The following CMTM4 variants were observed in gnomAD, a reference collection of about 807,000 sequenced individuals.
CMTM4 encodes the protein CKLF like MARVEL transmembrane domain containing 4.
A neutral mutation model predicts 19.0 loss-of-function variants in CMTM4; 8 were observed. The observed-to-expected ratio is 0.42, with a 90% CI of 0.25 to 0.76. The LOEUF is 0.76. Ranked by LOEUF, CMTM4 falls within the 30% of genes least tolerant of loss-of-function variation. CMTM4 has a pLI of 0.27. For missense variants in CMTM4, 228 were observed against 290.2 expected (o/e 0.79, Z 1.56); for synonymous variants, 106 against 121.1 (o/e 0.88, Z 0.82).
chr16:66,621,960 T>C lies in CMTM4; in HGVS notation c.*98A>G. The C allele has an allele frequency of 6.8e-7, 1 of 1,468,894 alleles. No homozygotes were observed. Among genetic ancestry groups the C allele is most frequent in the Non-Finnish European group, 9.0e-7 (1 of 1,105,762 alleles). 91.0% of individuals were successfully genotyped at this position (1,468,894 alleles called of 1,614,324 possible). Reference sequence around the variant, plus strand: ...TGAACTTTTACCAAAGAGGACAAAATTCAACTGAATCACATGGAAATCTGA... The same window carrying C: ...TGAACTTTTACCAAAGAGGACAAAACTCAACTGAATCACATGGAAATCTGA... On this transcript the variant is annotated 3_prime_UTR_variant, in exon 4 of 4. Coordinates refer to ENST00000394106, the MANE Select transcript of CMTM4 (RefSeq NM_181521.3).
At chr16:66,682,032 C>T (rs2016925153) in intron 1 of CMTM4, among the ~76,000 whole-genome samples, 1 of 152,206 alleles carries the variant, frequency 6.6e-6, no homozygotes, top group Non-Finnish European at 1.5e-5. Context: ...CAGCCCCTGG[C>T]TCAGGTGGTC....
chr16:66,600,055 T>C, the CMTM4 span, among the ~76,000 whole-genome samples: 1 of 151,262 alleles, frequency 6.6e-6, no homozygotes, highest in Admixed American at 6.6e-5. Flanking sequence ...TTTGGCCCAT[T>C]AAAAAAAATT....
At chr16:66,611,307 G>A (rs2015367613), downstream of CMTM4, among the ~76,000 whole-genome samples, 1 of 152,124 alleles carries the variant, frequency 6.6e-6, no homozygotes, top group African/African-American at 2.4e-5. Context: ...ACAAAAATCA[G>A]CCAGGCATGG....
intron 1 of CMTM4, among the ~76,000 whole-genome samples, chr16:66,690,342 G>T (rs889233586): frequency 2.6e-5 from 4 of 152,316 alleles, no homozygotes; most frequent in East Asian, 1.9e-4. Flanking sequence ...CAGCTCTTAC[G>T]AATCAGGAAC....
At chr16:66,680,581 T>C (rs1363502940) in intron 1 of CMTM4, among the ~76,000 whole-genome samples, 1 of 151,592 alleles carries the variant, frequency 6.6e-6, no homozygotes, top group African/African-American at 2.4e-5. Flanking sequence ...GAGACCATCA[T>C]GGCTAACGCG....
chr16:66,613,225 C>T (rs1596891624), downstream of CMTM4: 1 of 683,386 alleles, frequency 1.5e-6, no homozygotes, highest in South Asian at 1.5e-5. Flanking sequence ...TGGGGCTCGG[C>T]ACCCATAACT....
chr16:66,674,215 G>A (rs908602730), intron 1 of CMTM4, among the ~76,000 whole-genome samples: 1 of 152,202 alleles, frequency 6.6e-6, no homozygotes, highest in Admixed American at 6.5e-5. Context: ...CCAGATAGAT[G>A]GAAAAGCTGA....
At chr16:66,602,976 T>C in the CMTM4 span, among the ~76,000 whole-genome samples, 1 of 152,240 alleles carries the variant, frequency 6.6e-6, no homozygotes, top group Non-Finnish European at 1.5e-5. Context: ...GTAAATGTTA[T>C]AAACATTCCA....
chr16:66,631,145 C>T (rs1567407307), intron 2 of CMTM4, among the ~76,000 whole-genome samples: 1 of 151,920 alleles, frequency 6.6e-6, no homozygotes, highest in Admixed American at 6.6e-5. Context: ...TGCCCGGCAG[C>T]CACCCCGTCC....
intron 2 of CMTM4, among the ~76,000 whole-genome samples, chr16:66,628,255 C>T (rs2015783237): frequency 6.6e-6 from 1 of 152,192 alleles, no homozygotes; most frequent in South Asian, 2.1e-4. Context: ...TTCTCTATCT[C>T]AACTGCAAGA....
intron 1 of CMTM4, among the ~76,000 whole-genome samples, chr16:66,680,167 A>T (rs192601178): frequency 2.6e-5 from 4 of 152,304 alleles, no homozygotes; most frequent in African/African-American, 9.6e-5. Flanking sequence ...TGTAAACTAA[A>T]AGCAAGAAAT....
At chr16:66,670,797 TAA>T (rs200954509) in intron 1 of CMTM4, among the ~76,000 whole-genome samples, 3 of 139,776 alleles carry the variant, frequency 2.1e-5, no homozygotes, top group Admixed American at 7.2e-5. Flanking sequence ...AGACTCCATA[TAA>T]AAAAAAAAAA....
the CMTM4 span, chr16:66,605,184 G>A: frequency 2.4e-6 from 1 of 410,468 alleles, no homozygotes. The surrounding 1 kb of genome is among the most constrained non-coding windows in gnomAD (Gnocchi z 4.6). Flanking sequence ...GTCCCCGCGA[G>A]TCCAGAGCTG....
At chr16:66,609,579 C>A in the CMTM4 span, 2 of 1,543,732 alleles carry the variant, frequency 1.3e-6, no homozygotes, top group East Asian at 2.4e-5. This position sits in a 1 kb window ranked among gnomAD's most constrained non-coding sequence, Gnocchi z 4.4. Context: ...CCCTCTAGCC[C>A]CTCATTTAGG....
At chr16:66,664,300 T>G (rs1310291500) in intron 1 of CMTM4, among the ~76,000 whole-genome samples, 2 of 151,850 alleles carry the variant, frequency 1.3e-5, no homozygotes, top group East Asian at 3.9e-4. Context: ...AAATCTGCTC[T>G]AAATGAAACG....
chr16:66,633,017 G>A (rs1444189037), intron 2 of CMTM4, among the ~76,000 whole-genome samples: 1 of 150,734 alleles, frequency 6.6e-6, no homozygotes, highest in Non-Finnish European at 1.5e-5. Context: ...CCTGGGAGGT[G>A]GAGGTTGCGT....
At chr16:66,599,097 T>C in the CMTM4 span, among the ~76,000 whole-genome samples, 15 of 151,654 alleles carry the variant, frequency 9.9e-5, no homozygotes, top group Non-Finnish European at 2.1e-4. Context: ...CTGGGCAACA[T>C]GATGAAACCC....
Position 66,620,665 on chromosome 16 carries a change from C to T in CMTM4, c.*1393G>A. 1 of 985,784 alleles carries T rather than the reference C, an allele frequency of 1.0e-6. No individual in the cohort carries two copies. Among genetic ancestry groups the T allele is most frequent in the Non-Finnish European group, 1.2e-6 (1 of 829,926 alleles). The allele number at this position is 985,784 out of a possible 1,614,324, so 61.1% of individuals were successfully genotyped here. A position where few individuals can be genotyped will look rare whatever the true frequency, so the allele number is the denominator to read the frequency against. On this transcript the variant is annotated 3_prime_UTR_variant, in exon 4 of 4. Transcript: ENST00000394106. ...CAGCACTTGATCTTGGGGATTTCTC[C>T]ATGTTACTGCAAAATCTTCCTGCCA...
downstream of CMTM4, chr16:66,613,211 G>A (rs192862763): frequency 2.2e-5 from 15 of 692,164 alleles, no homozygotes; most frequent in Non-Finnish European, 3.4e-5. Flanking sequence ...TGTCGCCCAG[G>A]AAGTGGGGCT....
Sources: gnomAD v4.1 joint callset for allele counts (sites outside exome capture counted in the v4.1 genomes callset) on GRCh38, gnomAD v4.1.1 for gene constraint, Gnocchi (gnomAD v3.1) non-coding constraint, MANE v1.5 for transcripts, NCBI Gene and HGNC (gene_info 2026-07-23, HGNC 2026-07-21) for gene names.